The following PTPRN2 variants were observed in gnomAD, a reference collection of about 807,000 sequenced individuals.
The protein encoded by PTPRN2 is receptor-type tyrosine-protein phosphatase N2.
A neutral mutation model predicts 118.8 loss-of-function variants in PTPRN2; 74 were observed. The ratio of observed to expected loss-of-function variants is 0.62; its 90% CI spans 0.52 to 0.76. The LOEUF (loss-of-function observed/expected upper bound fraction) is 0.76, where lower values mean the gene tolerates loss of function less well. PTPRN2 is among the 30% of genes least tolerant of loss of function. The pLI is 0.00. For missense variants in PTPRN2, 1,481 were observed against 1,394.4 expected (o/e 1.06, Z -0.99); for synonymous variants, 641 against 608.0 (o/e 1.05, Z -0.80).
chr7:158,534,963 C>T (rs1015412859), intron 1 of PTPRN2, among the ~76,000 whole-genome samples: 2 of 152,166 alleles, frequency 1.3e-5, no homozygotes, highest in African/African-American at 2.4e-5. Context: ...TTCAGTGTTC[C>T]CCAGAACTAC....
intron 11 of PTPRN2, among the ~76,000 whole-genome samples, chr7:158,055,110 T>C (rs533982705): frequency 7.5e-4 from 114 of 152,368 alleles, no homozygotes; most frequent in African/African-American, 2.7e-3. Flanking sequence ...TGATTATATA[T>C]GAATATCATT....
At chr7:158,171,254 CATATATATACACACATATATACACACAT>C (rs1823604012) in intron 5 of PTPRN2, among the ~76,000 whole-genome samples, 1 of 122,200 alleles carries the variant, frequency 8.2e-6, no homozygotes, top group African/African-American at 3.3e-5. Flanking sequence ...TATATACACA[CATATATATACACACATATATACACACAT>C]ATATATACAC....
rs569728530 is a variant in PTPRN2 at position 158,558,261 on chromosome 7, C to T, written c.112+29297G>A. ...TCAGCCTCCCAAAGTGCTGGGATTA[C>T]AGGCCTGAGCCACTGCACCCAGGTC... On this transcript the variant is annotated intron_variant, in intron 1 of 22. Transcript: ENST00000389418. Among the ~76,000 whole-genome samples, 194 of 152,356 alleles carry T rather than the reference C, an allele frequency of 1.3e-3. 2 individuals are homozygous for T. Among genetic ancestry groups the T allele is most frequent in the Non-Finnish European group, 7.9e-4 (54 of 68,026 alleles).
At chr7:157,625,474 T>C (rs1393421147) in intron 14 of PTPRN2, among the ~76,000 whole-genome samples, 2 of 152,042 alleles carry the variant, frequency 1.3e-5, no homozygotes, top group Non-Finnish European at 2.9e-5. Context: ...GTTAAGTAAC[T>C]CAGGAATGGA....
At chr7:157,817,029 C>T (rs972233682) in intron 12 of PTPRN2, among the ~76,000 whole-genome samples, 1 of 152,216 alleles carries the variant, frequency 6.6e-6, no homozygotes, top group South Asian at 2.1e-4. Context: ...GCTGACACCC[C>T]GGAGGCCGAT....
At chr7:157,586,768 A>G (rs1252862253) in intron 17 of PTPRN2, among the ~76,000 whole-genome samples, 2 of 151,970 alleles carry the variant, frequency 1.3e-5, no homozygotes, top group Non-Finnish European at 2.9e-5. Context: ...GCTGTTGGAC[A>G]CTCGGTCTGT....
At chr7:157,772,136 G>GAC (rs200184040) in intron 12 of PTPRN2, among the ~76,000 whole-genome samples, 3 of 138,760 alleles carry the variant, frequency 2.2e-5, no homozygotes, top group South Asian at 2.3e-4. Context: ...TACACAGACA[G>GAC]ACACACACAC....
intron 11 of PTPRN2, among the ~76,000 whole-genome samples, chr7:158,017,651 G>A (rs1431901367): frequency 6.6e-6 from 1 of 152,186 alleles, no homozygotes; most frequent in African/African-American, 2.4e-5. Flanking sequence ...ACAGGGCTGG[G>A]AACAGGAGGG....
chr7:158,276,276 A>G, intron 3 of PTPRN2, among the ~76,000 whole-genome samples: 1 of 29,202 alleles, frequency 3.4e-5, no homozygotes, highest in Non-Finnish European at 1.0e-4. Flanking sequence ...TGGCCCCAAC[A>G]GGCTGTAAGG....
intron 12 of PTPRN2, among the ~76,000 whole-genome samples, chr7:157,757,996 C>T (rs1276191311): frequency 7.5e-6 from 1 of 132,894 alleles, no homozygotes; most frequent in Non-Finnish European, 1.5e-5. Context: ...ACGGGGCAGC[C>T]CCAGGGCAAA....
rs1808742130 is a variant in PTPRN2, at chr7:157,845,536, G to C, written c.1788+53137C>G. Among the ~76,000 whole-genome samples the C allele has an allele frequency of 6.6e-6, 1 of 152,158 alleles. No individual in the cohort carries two copies. The highest frequency in any genetic ancestry group is 2.1e-4 in the South Asian group (1 of 4,822). On this transcript the variant is annotated intron_variant, in intron 12 of 22. Transcript: ENST00000389418. The surrounding 1 kb of genome is among the most constrained non-coding windows in gnomAD (Gnocchi z 4.5). ...TCAGCATGTTCCCGGCCACATCCCG[G>C]TGAACCATGCAGCCTAACTCACCAC... is the stretch of plus-strand genomic sequence containing the variant.
chr7:158,545,143 G>C (rs945857986), intron 1 of PTPRN2, among the ~76,000 whole-genome samples: 3 of 152,210 alleles, frequency 2.0e-5, no homozygotes, highest in African/African-American at 7.2e-5. Context: ...TCTGGACTTA[G>C]CTGGCTTTCA....
chr7:157,989,071 C>A lies in PTPRN2; in HGVS notation c.1724-90334G>T, dbSNP rs550070115. ...TTCTAAAGGTGCAGATACCCCCGGG[C>A]TGGAGGCTGAATGGGCAAGAAGATC... On this transcript the variant is annotated intron_variant, in intron 11 of 22. Coordinates refer to ENST00000389418, the MANE Select transcript of PTPRN2 (RefSeq NM_002847.5). Among the ~76,000 whole-genome samples, 4 of 152,230 alleles carry A rather than the reference C, an allele frequency of 2.6e-5. No individual in the cohort carries two copies. The East Asian group carries it at 7.7e-4, about 29-fold the overall frequency.
rs991780062 is a variant in PTPRN2 at position 158,546,442 on chromosome 7, C to T, written c.112+41116G>A. 2.0e-5 allele frequency among the ~76,000 whole-genome samples: 3 copies of T among 152,196 alleles called. No individual in the cohort carries two copies. Among genetic ancestry groups the T allele is most frequent in the Non-Finnish European group, 4.4e-5 (3 of 68,034 alleles). On this transcript the variant is annotated intron_variant, in intron 1 of 22. Coordinates refer to ENST00000389418, the MANE Select transcript of PTPRN2 (RefSeq NM_002847.5). The surrounding 1 kb of genome is among the most constrained non-coding windows in gnomAD (Gnocchi z 5.0). ...CCCGGAATGGTGCTGGAATCACAGC[C>T]GCCGGGTTAAGGGGCTCATGGCGGA...
chr7:157,966,723 TCAC>T (rs879326777), intron 11 of PTPRN2, among the ~76,000 whole-genome samples: 4 of 151,990 alleles, frequency 2.6e-5, no homozygotes, highest in Admixed American at 2.6e-4. Context: ...ATCATCTTCA[TCAC>T]CACCATCGTC....
intron 2 of PTPRN2, among the ~76,000 whole-genome samples, chr7:158,405,957 G>A (rs1038765929): frequency 6.8e-6 from 1 of 147,944 alleles, no homozygotes; most frequent in Non-Finnish European, 1.5e-5. Flanking sequence ...TGGCTCATCC[G>A]TGAGACACGT....
chr7:158,355,976 G>A (rs183466744), intron 2 of PTPRN2, among the ~76,000 whole-genome samples: 26 of 152,296 alleles, frequency 1.7e-4, no homozygotes, highest in Non-Finnish European at 3.1e-4. Flanking sequence ...CCTAGCAGCC[G>A]TCATGGGCCC....
chr7:158,246,173 C>T (rs1796235026), intron 3 of PTPRN2, among the ~76,000 whole-genome samples: 1 of 151,826 alleles, frequency 6.6e-6, no homozygotes, highest in Non-Finnish European at 1.5e-5. Flanking sequence ...ATTTAAAATA[C>T]ACCTTTCTCG....
chr7:158,141,953 C>T (rs752190205), intron 6 of PTPRN2, among the ~76,000 whole-genome samples: 8 of 152,318 alleles, frequency 5.3e-5, no homozygotes, highest in Admixed American at 1.3e-4. Flanking sequence ...TCACTGCCAC[C>T]GATGTCCCCT....
Sources: gnomAD v4.1 joint callset for allele counts (sites outside exome capture counted in the v4.1 genomes callset) on GRCh38, gnomAD v4.1.1 for gene constraint, Gnocchi (gnomAD v3.1) non-coding constraint, MANE v1.5 for transcripts, NCBI Gene and HGNC (gene_info 2026-07-23, HGNC 2026-07-21) for gene names.